Variants in UBE2H observed in about 807,000 individuals in gnomAD.
UBE2H encodes ubiquitin conjugating enzyme E2 H.
A neutral mutation model predicts 29.0 loss-of-function variants in UBE2H; 3 were observed. The ratio of observed to expected loss-of-function variants is 0.10; its 90% confidence interval spans 0.05 to 0.27. The LOEUF is 0.27. UBE2H is among the 10% of genes least tolerant of loss of function. UBE2H has a pLI of 1.00. For synonymous variants in UBE2H, 69 were observed against 82.9 expected, an observed-to-expected ratio of 0.83 and a Z score of 0.91; for missense variants, 68 against 228.2, an observed-to-expected ratio of 0.30 and a Z score of 4.52.
chr7:129,924,115 C>T (rs962669858), intron 1 of UBE2H, among the ~76,000 whole-genome samples: 1 of 152,144 alleles, frequency 6.6e-6, no homozygotes, highest in Admixed American at 6.6e-5. Context: ...TTCACACTTG[C>T]AATCCTAGCA....
Position 129,835,075 on chromosome 7 carries a change from G to A in UBE2H, c.428-14C>T, listed in dbSNP as rs752409292. 1 of 1,613,940 alleles carries A rather than the reference G, an allele frequency of 6.2e-7. No homozygotes were observed. The highest frequency in any genetic ancestry group is 1.1e-5 in the South Asian group (1 of 91,060). The stretch of plus-strand genomic sequence containing the variant: ...TCTGGATGTACTCTGCACGGGGTGG[G>A]AGAAAGACAACAAGGGCAGTGAGTG... On this transcript the variant is annotated splice_polypyrimidine_tract_variant and intron_variant, in intron 6 of 6. Coordinates refer to ENST00000355621, the MANE Select transcript of UBE2H (RefSeq NM_003344.4).
At chr7:129,941,507 T>C (rs1448780951) in intron 1 of UBE2H, among the ~76,000 whole-genome samples, 1 of 152,172 alleles carries the variant, frequency 6.6e-6, no homozygotes, top group Non-Finnish European at 1.5e-5. Flanking sequence ...TCACCAAACA[T>C]ACTATCATTG....
chr7:129,949,078 C>T, intron 1 of UBE2H: 1 of 455,792 alleles, frequency 2.2e-6, no homozygotes, highest in Non-Finnish European at 4.4e-6. Flanking sequence ...CCAAAACAAG[C>T]AGCTCTAGCC....
chr7:129,834,834 TG>T lies in UBE2H; in HGVS notation c.*102del. On this transcript the variant is annotated 3_prime_UTR_variant, in exon 7 of 7. Coordinates refer to ENST00000355621, the MANE Select transcript of UBE2H (RefSeq NM_003344.4). The stretch of plus-strand genomic sequence containing the variant: ...TCAATGCTATTATTCATAAAAACCT[TG>T]TTTAGTAATAAAAAAAATTGCTTTG... 1 of 1,386,112 alleles carries T rather than the reference TG, an allele frequency of 7.2e-7. No individual in the cohort carries two copies. 85.9% of individuals were successfully genotyped at this position (1,386,112 alleles called of 1,614,324 possible). A position where few individuals can be genotyped will look rare whatever the true frequency, so the allele number is the denominator to read the frequency against.
intron 4 of UBE2H, among the ~76,000 whole-genome samples, chr7:129,858,561 T>C (rs916600518): frequency 6.6e-6 from 1 of 152,220 alleles, no homozygotes; most frequent in Non-Finnish European, 1.5e-5. Flanking sequence ...GAAAATATTA[T>C]AAGATCTGAA....
At chr7:129,905,695 A>C (rs1027794381) in intron 1 of UBE2H, among the ~76,000 whole-genome samples, 4 of 152,234 alleles carry the variant, frequency 2.6e-5, no homozygotes, top group African/African-American at 9.6e-5. Context: ...GGGACAAGCC[A>C]AGGATGATTC....
chr7:129,847,371 G>T (rs1164704091), intron 5 of UBE2H, among the ~76,000 whole-genome samples: 1 of 152,076 alleles, frequency 6.6e-6, no homozygotes, highest in Non-Finnish European at 1.5e-5. Flanking sequence ...AAGTCTACTG[G>T]GTGTGGTGGC....
intron 5 of UBE2H, among the ~76,000 whole-genome samples, chr7:129,851,442 A>G (rs1805608131): frequency 6.6e-6 from 1 of 152,262 alleles, no homozygotes; most frequent in Admixed American, 6.5e-5. Flanking sequence ...GCTTGTAATT[A>G]CTAGACAATA....
intron 5 of UBE2H, among the ~76,000 whole-genome samples, chr7:129,850,923 GAAGAGAAAAGAT>G (rs1373332105): frequency 6.6e-6 from 1 of 151,848 alleles, no homozygotes; most frequent in Non-Finnish European, 1.5e-5. Context: ...AGAGAAAAGA[GAAGAGAAAAGAT>G]AGATGGACAG....
chr7:129,927,141 C>T (rs1807286381), intron 1 of UBE2H, among the ~76,000 whole-genome samples: 1 of 152,200 alleles, frequency 6.6e-6, no homozygotes, highest in African/African-American at 2.4e-5. Context: ...ATCTTCATAA[C>T]TCCATGTAAT....
chr7:129,932,273 G>C (rs574234067), intron 1 of UBE2H, among the ~76,000 whole-genome samples: 1 of 150,494 alleles, frequency 6.6e-6, no homozygotes, highest in African/African-American at 2.4e-5. Context: ...ACAGGCGCCC[G>C]CCACCACGCC....
At chr7:129,881,017 G>C (rs1310707627) in intron 1 of UBE2H, 46 bp from the exon 2 acceptor site, 1 of 1,561,710 alleles carries the variant, frequency 6.4e-7, no homozygotes, top group East Asian at 2.3e-5. Flanking sequence ...ACAGTATCTG[G>C]CAGAATTACC....
At chr7:129,864,548 TTTTC>T (rs1317550042) in intron 3 of UBE2H, among the ~76,000 whole-genome samples, 2 of 71,996 alleles carry the variant, frequency 2.8e-5, no homozygotes, top group African/African-American at 8.2e-5. Context: ...TTTCTTTTTC[TTTTC>T]TTTCTTTTTT....
At chr7:129,928,197 G>A (rs578253634) in intron 1 of UBE2H, among the ~76,000 whole-genome samples, 2 of 151,974 alleles carry the variant, frequency 1.3e-5, no homozygotes, top group Non-Finnish European at 2.9e-5. Flanking sequence ...CAGGCATGGT[G>A]ACACGTGCCT....
chr7:129,842,122 T>C (rs1563019039), intron 5 of UBE2H, among the ~76,000 whole-genome samples: 3 of 152,240 alleles, frequency 2.0e-5, no homozygotes, highest in Admixed American at 6.5e-5. Context: ...TTTTCACATT[T>C]CAAATGACAT....
At chr7:129,921,710 A>C (rs1807167693) in intron 1 of UBE2H, among the ~76,000 whole-genome samples, 1 of 151,776 alleles carries the variant, frequency 6.6e-6, no homozygotes, top group Non-Finnish European at 1.5e-5. Flanking sequence ...AAAAAAAAAA[A>C]AAAAAGCTGA....
intron 1 of UBE2H, among the ~76,000 whole-genome samples, chr7:129,896,562 C>T (rs4731636): frequency 0.066 from 9,959 of 151,964 alleles, 534 homozygotes; most frequent in East Asian, 0.25. Flanking sequence ...TGCATCAGCA[C>T]ATCCGGCTCA....
intron 6 of UBE2H, among the ~76,000 whole-genome samples, chr7:129,835,284 G>T (rs1476285377): frequency 6.6e-6 from 1 of 152,184 alleles, no homozygotes; most frequent in East Asian, 1.9e-4. Context: ...GGGGTATTGG[G>T]AAGAGCAACA....
chr7:129,861,269 A>G (rs78828928), intron 3 of UBE2H, among the ~76,000 whole-genome samples: 9,781 of 152,216 alleles, frequency 0.064, 334 homozygotes, highest in South Asian at 0.13. Context: ...CCTTTTAAAA[A>G]GGGACAATGT....
Sources: gnomAD v4.1 joint callset for allele counts (sites outside exome capture counted in the v4.1 genomes callset) on GRCh38, gnomAD v4.1.1 for gene constraint, MANE v1.5 for transcripts, NCBI Gene and HGNC (gene_info 2026-07-23, HGNC 2026-07-21) for gene names.